MARK3: variants seen among roughly 807,000 people sequenced by gnomAD.
MARK3 encodes the protein microtubule affinity regulating kinase 3, also known as MAP/microtubule affinity-regulating kinase 3.
In MARK3, 46 loss-of-function variants were observed where a neutral mutation model predicts 90.1. That is an observed-to-expected ratio of 0.51 (90% confidence interval 0.40 to 0.65). MARK3 has a LOEUF of 0.65. Among genes scored for constraint, MARK3 ranks in the 30% least tolerant of loss-of-function variants. The pLI is 0.00. For synonymous variants in MARK3, 321 were observed against 332.6 expected (o/e 0.97, Z 0.38); for missense variants, 818 against 947.2 (o/e 0.86, Z 1.79).
At chr14:103,470,291 C>A (rs953935457) in intron 12 of MARK3, among the ~76,000 whole-genome samples, 1 of 151,692 alleles carries the variant, frequency 6.6e-6, no homozygotes, top group African/African-American at 2.4e-5. Context: ...CATAAGACTC[C>A]CAGTGGGTAG....
chr14:103,460,353 G>A (rs1440336049), intron 6 of MARK3, among the ~76,000 whole-genome samples: 4 of 151,954 alleles, frequency 2.6e-5, no homozygotes, highest in Non-Finnish European at 5.9e-5. Context: ...CCAAAGTGCT[G>A]GGATTACAGG....
chr14:103,449,150 C>T (rs2093068820), intron 4 of MARK3, among the ~76,000 whole-genome samples, 183 bp downstream of exon 4: 1 of 151,288 alleles, frequency 6.6e-6, no homozygotes, highest in Non-Finnish European at 1.5e-5. Context: ...AGGTATTAAA[C>T]GTTGAATTTA....
chr14:103,404,888 C>T (rs951159259), intron 1 of MARK3, among the ~76,000 whole-genome samples, 188 bp from the exon 2 acceptor site: 11 of 152,096 alleles, frequency 7.2e-5, no homozygotes, highest in Admixed American at 5.9e-4. Context: ...TTCAACACTT[C>T]GTATTTTTCG....
chr14:103,442,942 T>TCTCCCCC (rs2092896208), intron 3 of MARK3, among the ~76,000 whole-genome samples: 1 of 103,674 alleles, frequency 9.6e-6, no homozygotes, highest in African/African-American at 3.6e-5. Context: ...TTGGTGGGTG[T>TCTCCCCC]CCCCCCCCCT....
Position 103,466,422 on chromosome 14 carries a change from T to C in MARK3, c.977T>C (p.Ile326Thr), listed in dbSNP as rs1342000495. The C allele has an allele frequency of 1.2e-6, 2 of 1,612,828 alleles. No individual in the cohort carries two copies. Among genetic ancestry groups the C allele is most frequent in the Non-Finnish European group, 1.7e-6 (2 of 1,178,984 alleles). ...CCATTTGTTGAACCAGAGCTAGACA[T>C]CTCAGACCAAAAAAGAATAGGTAAT... ...LKPFVEPELDISDQKRIDIMV... is the reference protein window; with the variant it reads ...LKPFVEPELDTSDQKRIDIMV... Residue 326 changes from isoleucine (I) to threonine (T), a missense_variant, in exon 10 of 18, where the codon ATC (isoleucine) becomes ACC (threonine). Physicochemically the swap from Ile to Thr is moderately conservative, Grantham distance 89 (BLOSUM62 -1). This residue lies in a region of MARK3 where 560 missense variants were observed against 613.5 expected (regional missense o/e 0.91). Transcript: ENST00000429436.
intron 2 of MARK3, among the ~76,000 whole-genome samples, chr14:103,422,436 T>C (rs1187902543): frequency 1.3e-5 from 2 of 152,122 alleles, no homozygotes; most frequent in Non-Finnish European, 2.9e-5. Flanking sequence ...GCCTGGGCGA[T>C]AGAGCAAGAC....
intron 14 of MARK3, chr14:103,489,253 G>C (rs948525499): frequency 4.6e-5 from 7 of 152,206 alleles, no homozygotes; most frequent in African/African-American, 1.7e-4. Flanking sequence ...TTTCTGACCT[G>C]GTGCCTGACC....
At chr14:103,401,090 C>T (rs958176574) in intron 1 of MARK3, among the ~76,000 whole-genome samples, 16 of 151,504 alleles carry the variant, frequency 1.1e-4, no homozygotes, top group Non-Finnish European at 1.6e-4. Flanking sequence ...AATGTTGGTA[C>T]TGAGTGCTGT....
rs2093549185 is a variant in MARK3 at position 103,468,056 on chromosome 14, T to C, written c.1134T>C (p.Ser378=). Residue 378 remains serine (S), a synonymous_variant, in exon 12 of 18, where the codon TCT becomes TCC. Coordinates refer to ENST00000429436, the MANE Select transcript of MARK3 (RefSeq NM_001128918.3). The part of the protein sequence containing the change: ...SSELDASDSS[S]SSNLSLAKVR... Reference sequence around the variant, plus strand: ...AGCTGGATGCTAGTGATTCCAGTTCTAGCAGCAATCTTTCACTTGCTAAGG... The same window carrying C: ...AGCTGGATGCTAGTGATTCCAGTTCCAGCAGCAATCTTTCACTTGCTAAGG... 1 of 1,613,874 alleles carries C rather than the reference T, an allele frequency of 6.2e-7. No individual in the cohort carries two copies. The highest frequency in any genetic ancestry group is 2.2e-5 in the East Asian group (1 of 44,880).
chr14:103,467,656 C>T (rs1362792199), intron 11 of MARK3: 3 of 85,150 alleles, frequency 3.5e-5, no homozygotes, highest in Non-Finnish European at 6.2e-5. Context: ...GCCTGGGTGA[C>T]AGAGCGAGAC....
intron 6 of MARK3, among the ~76,000 whole-genome samples, chr14:103,459,874 G>C (rs929436625): frequency 6.6e-6 from 1 of 151,590 alleles, no homozygotes; most frequent in Admixed American, 6.6e-5. Context: ...AGTAAAACAA[G>C]TTTTTCTATT....
At chr14:103,386,109 G>C (rs1351309500) in intron 1 of MARK3, 29 bp downstream of exon 1, 1 of 1,611,026 alleles carries the variant, frequency 6.2e-7, no homozygotes, top group Admixed American at 1.7e-5. Context: ...GTAGTTGGCG[G>C]ACCTTCGGGG....
intron 14 of MARK3, 168 bp from the exon 15 acceptor site, chr14:103,491,609 T>C: frequency 1.6e-6 from 1 of 627,014 alleles, no homozygotes; most frequent in Non-Finnish European, 2.8e-6. Context: ...TATTGTTCTT[T>C]TGGTACCCTT....
At chr14:103,485,076 A>AAAAAAAAAAAAAAAAG (rs2093901365) in intron 14 of MARK3, among the ~76,000 whole-genome samples, 1 of 146,828 alleles carries the variant, frequency 6.8e-6, no homozygotes, top group South Asian at 2.2e-4. Context: ...AAAAAAAAAA[A>AAAAAAAAAAAAAAAAG]AAAATTAGCC....
chr14:103,448,039 C>T (rs892001487), intron 3 of MARK3, among the ~76,000 whole-genome samples: 3 of 152,206 alleles, frequency 2.0e-5, no homozygotes, highest in Non-Finnish European at 4.4e-5. Context: ...TCCCAAAGTG[C>T]TGGGATTACA....
At chr14:103,422,434 G>C (rs1414716432) in intron 2 of MARK3, among the ~76,000 whole-genome samples, 1 of 152,152 alleles carries the variant, frequency 6.6e-6, no homozygotes, top group Non-Finnish European at 1.5e-5. Context: ...CAGCCTGGGC[G>C]ATAGAGCAAG....
In MARK3 at chr14:103,412,265, C is replaced by CCA. The variant is rs1034315868; in HGVS notation, c.243+6999_243+7000dup. On this transcript the variant is annotated intron_variant, in intron 2 of 17. Coordinates refer to ENST00000429436, the MANE Select transcript of MARK3 (RefSeq NM_001128918.3). ...CTCATCGTCTGTCATCTTCACGTGG[C>CCA]CAACAGCCACAGCCAAACATAACAT... 32 of 690,436 alleles carry CCA rather than the reference C, an allele frequency of 4.6e-5. No homozygotes were observed. In the Admixed American group the frequency reaches 7.1e-4, roughly 15 times the overall value. 42.8% of individuals were successfully genotyped at this position (690,436 alleles called of 1,614,324 possible). A position where few individuals can be genotyped will look rare whatever the true frequency, so the allele number is the denominator to read the frequency against.
chr14:103,422,561 G>A (rs1323441254), intron 2 of MARK3, among the ~76,000 whole-genome samples: 5 of 152,020 alleles, frequency 3.3e-5, no homozygotes, highest in Admixed American at 6.6e-5. Flanking sequence ...ACCATGACCC[G>A]GGCAAAAAAT....
chr14:103,481,987 C>T (rs1476363886), intron 14 of MARK3, among the ~76,000 whole-genome samples: 9 of 150,550 alleles, frequency 6.0e-5, no homozygotes, highest in Admixed American at 1.3e-4. Flanking sequence ...AGGATGGTCT[C>T]GATCTCCTGA....
Sources: gnomAD v4.1 joint callset for allele counts (sites outside exome capture counted in the v4.1 genomes callset) on GRCh38, gnomAD v4.1.1 for gene constraint, gnomAD v4.1.1 regional missense constraint, MANE v1.5 for transcripts, NCBI Gene and HGNC (gene_info 2026-07-23, HGNC 2026-07-21) for gene names.